Variants in ACSL4 observed in about 807,000 individuals in gnomAD.
The protein encoded by ACSL4 is long-chain-fatty-acid--CoA ligase 4.
ACSL4 carries 9 observed loss-of-function variants against 49.1 expected under a neutral mutation model. That is an observed-to-expected ratio of 0.18 (90% confidence interval 0.11 to 0.32). The LOEUF (loss-of-function observed/expected upper bound fraction) is 0.32, where lower values mean the gene tolerates loss of function less well. Among genes scored for constraint, ACSL4 ranks in the 10% least tolerant of loss-of-function variants. The pLI, the probability that ACSL4 is intolerant of heterozygous loss-of-function variation, is 1.00. For missense variants in ACSL4, 333 were observed against 493.7 expected (o/e 0.67, Z 3.08); for synonymous variants, 191 against 170.3 (o/e 1.12, Z -0.95).
At chrX:109,671,259 C>T (rs746799100) in intron 9 of ACSL4, among the ~76,000 whole-genome samples, 9 of 110,419 alleles carry the variant, frequency 8.2e-5, no homozygotes, top group East Asian at 2.9e-4. Context: ...ATGTGAAGAG[C>T]GCCTCTGCCC....
At chrX:109,713,719 C>G in intron 1 of ACSL4, among the ~76,000 whole-genome samples, 1 of 111,582 alleles carries the variant, frequency 9.0e-6, no homozygotes, top group Non-Finnish European at 1.9e-5. Context: ...ACACAGTTGG[C>G]CTTTTACTTA....
At chrX:109,671,445 C>T (rs941066873) in intron 9 of ACSL4, among the ~76,000 whole-genome samples, 1 of 109,408 alleles carries the variant, frequency 9.1e-6, no homozygotes, top group African/African-American at 3.3e-5. Context: ...CCACCCCATC[C>T]GGGAGGTGGG....
At chrX:109,659,857 C>G (rs1356563668) in intron 14 of ACSL4, among the ~76,000 whole-genome samples, 1 of 110,751 alleles carries the variant, frequency 9.0e-6, no homozygotes, top group Non-Finnish European at 1.9e-5. Context: ...ACAACATATA[C>G]AAAAATTAGC....
At chrX:109,645,377 C>A (rs1934629369) in intron 15 of ACSL4, among the ~76,000 whole-genome samples, 1 of 112,368 alleles carries the variant, frequency 8.9e-6, no homozygotes, top group South Asian at 3.7e-4. Context: ...GACCCCCGAG[C>A]AGCCTAAATG....
intron 1 of ACSL4, among the ~76,000 whole-genome samples, chrX:109,730,024 T>A: frequency 8.9e-6 from 1 of 112,455 alleles, no homozygotes; most frequent in South Asian, 3.6e-4. Context: ...TTGTTCTGTA[T>A]CTTGACTGTG....
In ACSL4 at chrX:109,661,559, T is replaced by C. The variant is rs372046661; in HGVS notation, c.1669A>G (p.Ile557Val). 1.6e-4 allele frequency: 199 copies of C among 1,207,039 alleles called. 1 individual carries two copies. The highest frequency in any genetic ancestry group is 2.2e-4 in the Non-Finnish European group (194 of 892,994). Residue 557 changes from isoleucine to valine, a missense_variant, in exon 14 of 16, where the codon ATT becomes GTT. Ile to Val is a conservative substitution (Grantham distance 29, BLOSUM62 3). Transcript: ENST00000672401. Reference sequence around the variant, plus strand: ...TTGGCAAAAGCACAGATGTTGTCAATAAGTGGACAATTCTTCAGTGCAGCT... The same window carrying C: ...TTGGCAAAAGCACAGATGTTGTCAACAAGTGGACAATTCTTCAGTGCAGCT... ...VEAALKNCPL[I>V]DNICAFAKSD...
Position 109,688,337 on chromosome X carries a change from T to C in ACSL4, c.-12-4962A>G, listed in dbSNP as rs147021815. On this transcript the variant is annotated intron_variant, in intron 2 of 15. Coordinates refer to ENST00000672401, the MANE Select transcript of ACSL4 (RefSeq NM_001318510.2). Reference sequence around the variant, plus strand: ...ATTTATGCATTACACCCTGTCTTTATAAGGACACGGAAGTGCTACTCTACC... The same window carrying C: ...ATTTATGCATTACACCCTGTCTTTACAAGGACACGGAAGTGCTACTCTACC... 4.2e-3 allele frequency among the ~76,000 whole-genome samples: 471 copies of C among 111,798 alleles called. 2 individuals are homozygous for C. The highest frequency in any genetic ancestry group is 4.3e-3 in the Non-Finnish European group (229 of 53,117).
intron 1 of ACSL4, among the ~76,000 whole-genome samples, chrX:109,700,189 CTGAG>C (rs1925776070): frequency 1.2e-5 from 1 of 85,369 alleles, no homozygotes; most frequent in Non-Finnish European, 2.2e-5. Context: ...GCCTGGGCGA[CTGAG>C]TGAGACTCCG....
intron 9 of ACSL4, among the ~76,000 whole-genome samples, chrX:109,670,382 C>T (rs1387910607): frequency 1.8e-5 from 2 of 109,487 alleles, no homozygotes; most frequent in Non-Finnish European, 3.8e-5. Flanking sequence ...GTCAGGAGTT[C>T]GAGATCAGCC....
chrX:109,717,703 A>G (rs1034458145), intron 1 of ACSL4, among the ~76,000 whole-genome samples: 1 of 111,260 alleles, frequency 9.0e-6, no homozygotes, highest in African/African-American at 3.3e-5. Context: ...GTCTGGCAAT[A>G]GCAGGACATG....
In ACSL4 at chrX:109,686,775, T is replaced by C. The variant is rs375430344; in HGVS notation, c.-12-3400A>G. On this transcript the variant is annotated intron_variant, in intron 2 of 15. Coordinates refer to ENST00000672401, the MANE Select transcript of ACSL4 (RefSeq NM_001318510.2). ...CTTAGTACAGACACACACACACGCATGCACACACACACACACACACACACA... is the reference window on the plus strand; with the variant it reads ...CTTAGTACAGACACACACACACGCACGCACACACACACACACACACACACA... Among the ~76,000 whole-genome samples, 373 of 102,572 alleles carry C rather than the reference T, an allele frequency of 3.6e-3. 3 individuals carry two copies. The highest frequency in any genetic ancestry group is 0.014 in the African/African-American group (358 of 25,661). The allele number at this position is 102,572 out of a possible 115,157, so 89.1% of individuals were successfully genotyped here. A position where few individuals can be genotyped will look rare whatever the true frequency, so the allele number is the denominator to read the frequency against.
chrX:109,674,370 C>T lies in ACSL4; in HGVS notation c.1002+32G>A, dbSNP rs773712530. The T allele has an allele frequency of 3.2e-5, 35 of 1,096,768 alleles. No homozygotes were observed. The South Asian group carries it at 6.3e-4, about 20-fold the overall frequency. 90.4% of individuals were successfully genotyped at this position (1,096,768 alleles called of 1,213,427 possible). ...CGATCAATAAATTATATAAACAATC[C>T]TCTTATGTTCATATTCATATTCTGT... On this transcript the variant is annotated intron_variant, in intron 9 of 15. Transcript: ENST00000672401.
chrX:109,711,200 G>A (rs749695468), intron 1 of ACSL4, among the ~76,000 whole-genome samples: 5 of 112,520 alleles, frequency 4.4e-5, no homozygotes, highest in Non-Finnish European at 9.4e-5. Context: ...CATATCAAAT[G>A]AAGCATTTCA....
intron 2 of ACSL4, 171 bp downstream of exon 2, chrX:109,695,973 A>C (rs1925419425): frequency 8.9e-6 from 1 of 112,251 alleles, no homozygotes; most frequent in East Asian, 2.8e-4. Flanking sequence ...ACAGGGTAAA[A>C]TGTTTTCCTA....
chrX:109,661,412 C>A, intron 14 of ACSL4, 119 bp downstream of exon 14: 1 of 540,175 alleles, frequency 1.9e-6, no homozygotes, highest in Admixed American at 2.8e-5. Flanking sequence ...TGTACAATTC[C>A]CCAGATCTGA....
At chrX:109,673,434 G>C (rs1923433704) in intron 9 of ACSL4, among the ~76,000 whole-genome samples, 1 of 112,256 alleles carries the variant, frequency 8.9e-6, no homozygotes, top group Non-Finnish European at 1.9e-5. Flanking sequence ...CTAGCACATA[G>C]GAAGCACTGC....
chrX:109,729,708 C>T (rs1340348106), intron 1 of ACSL4, among the ~76,000 whole-genome samples: 1 of 111,877 alleles, frequency 8.9e-6, no homozygotes, highest in Non-Finnish European at 1.9e-5. Context: ...ACATCAGATG[C>T]CCTTCAAGAG....
chrX:109,693,888 AG>A (rs763634385), intron 2 of ACSL4, among the ~76,000 whole-genome samples: 1 of 111,418 alleles, frequency 9.0e-6, no homozygotes, highest in Admixed American at 9.6e-5. Context: ...GATGGGCTGC[AG>A]ATTGATTGCT....
At chrX:109,711,539 A>C (rs1254086622) in intron 1 of ACSL4, among the ~76,000 whole-genome samples, 1 of 112,467 alleles carries the variant, frequency 8.9e-6, no homozygotes, top group African/African-American at 3.2e-5. Flanking sequence ...ATGAGACTTA[A>C]AAGAGTTGAT....
Sources: allele counts gnomAD v4.1 joint callset (sites outside exome capture counted in the v4.1 genomes callset), GRCh38; gene constraint gnomAD v4.1.1; transcripts MANE v1.5; gene names NCBI Gene and HGNC (gene_info 2026-07-23, HGNC 2026-07-21).